The following GGACT variants were observed in gnomAD, a reference collection of about 807,000 sequenced individuals.
The protein encoded by GGACT is gamma-glutamylaminecyclotransferase.
For missense variants in GGACT, 241 were observed against 233.2 expected, an observed-to-expected ratio of 1.03 and a Z score of -0.22; for synonymous variants, 118 against 115.3, an observed-to-expected ratio of 1.02 and a Z score of -0.15.
In GGACT at chr13:100,545,356, C is replaced by T. The variant is rs1040961885; in HGVS notation, c.-10-12755G>A. Among the ~76,000 whole-genome samples, 3 of 152,194 alleles carry T rather than the reference C, an allele frequency of 2.0e-5. No homozygotes were observed. Among genetic ancestry groups the T allele is most frequent in the Admixed American group, 6.5e-5 (1 of 15,286 alleles). ...GAGGTGAAGTGACTCACACACAAGG[C>T]GACCCAGGCAAGGGCAGCAGAGCCT... On this transcript the variant is annotated intron_variant, in intron 2 of 2. Transcript: ENST00000683975. This position sits in a 1 kb window ranked among gnomAD's most constrained non-coding sequence, Gnocchi z 4.4.
chr13:100,533,390 A>G (rs1439359566), intron 2 of GGACT: 2 of 152,254 alleles, frequency 1.3e-5, no homozygotes, highest in East Asian at 3.8e-4. Flanking sequence ...CGCTCCTTGT[A>G]TTAGGACAGT....
rs1172257559 is a variant in GGACT, at chr13:100,532,218, G to A, written c.374C>T (p.Pro125Leu). 12 of 1,484,202 alleles carry A rather than the reference G, an allele frequency of 8.1e-6. No individual in the cohort carries two copies. The Admixed American group carries it at 1.6e-4, about 20-fold the overall frequency. 91.9% of individuals were successfully genotyped at this position (1,484,202 alleles called of 1,614,324 possible). A position where few individuals can be genotyped will look rare whatever the true frequency, so the allele number is the denominator to read the frequency against. Residue 125 changes from proline (P) to leucine (L), a missense_variant, in exon 3 of 3, where the codon CCG (proline) becomes CTG (leucine). Pro to Leu is a moderately conservative substitution (Grantham distance 98). Coordinates refer to ENST00000683975, the MANE Select transcript of GGACT (RefSeq NM_001195087.2). Reference protein sequence around the residue: ...QCFVYSRATFPPEWAQLPHHD... With the variant: ...QCFVYSRATFLPEWAQLPHHD... ...GTGCGGGAGCTGGGCCCACTCCGGC[G>A]GGAAGGTGGCCCTGCTGTACACGAA... is the stretch of plus-strand genomic sequence containing the variant.
intron 2 of GGACT, chr13:100,539,651 A>C: frequency 7.8e-6 from 4 of 510,856 alleles, no homozygotes; most frequent in Non-Finnish European, 1.4e-5. Flanking sequence ...CAAGAATATT[A>C]GTCTGTAGTT....
In GGACT at chr13:100,558,594, C is replaced by G. The variant is rs1023158514; in HGVS notation, c.-11+25231G>C. On this transcript the variant is annotated intron_variant, in intron 2 of 2. Transcript: ENST00000683975. ...ACTCTGGAAAGCAGTTTGACAGTGT[C>G]TTTAAAGTTAAACATACATTTACCA... is the stretch of plus-strand genomic sequence containing the variant. Among the ~76,000 whole-genome samples the G allele has an allele frequency of 1.4e-4, 21 of 152,310 alleles. No individual in the cohort carries two copies. In the East Asian group the frequency reaches 3.9e-3, roughly 28 times the overall value.
Position 100,530,595 on chromosome 13 carries a change from A to C in GGACT, c.*1535T>G. On this transcript the variant is annotated 3_prime_UTR_variant, in exon 3 of 3. Transcript: ENST00000683975. ...TTAAATTAGCACTTGCCATTTTTTC[A>C]TCTGATTGCCTTACTACTTCTAGAA... is the stretch of plus-strand genomic sequence containing the variant. 1 of 291,346 alleles carries C rather than the reference A, an allele frequency of 3.4e-6. No individual in the cohort carries two copies. The highest frequency in any genetic ancestry group is 6.6e-6 in the Non-Finnish European group (1 of 151,840). The allele number at this position is 291,346 out of a possible 1,614,324, so 18.0% of individuals were successfully genotyped here.
chr13:100,585,699 C>T (rs1303141470), intron 1 of GGACT, among the ~76,000 whole-genome samples: 2 of 149,490 alleles, frequency 1.3e-5, no homozygotes, highest in Non-Finnish European at 3.0e-5. Flanking sequence ...ACCCAGGAGG[C>T]GGAGGTTGCA....
At chr13:100,574,294 C>T (rs533660763) in intron 2 of GGACT, among the ~76,000 whole-genome samples, 3 of 152,242 alleles carry the variant, frequency 2.0e-5, no homozygotes, top group South Asian at 4.1e-4. Flanking sequence ...AAAACCTGGC[C>T]GGGCGTGGTG....
intron 2 of GGACT, among the ~76,000 whole-genome samples, chr13:100,553,491 C>T (rs527640531): frequency 6.6e-6 from 1 of 152,256 alleles, no homozygotes; most frequent in South Asian, 2.1e-4. Context: ...TCACCATGAG[C>T]AGCACCACCT....
chr13:100,571,946 T>C (rs996411390), intron 2 of GGACT, among the ~76,000 whole-genome samples: 5 of 152,210 alleles, frequency 3.3e-5, no homozygotes, highest in Non-Finnish European at 2.9e-5. Flanking sequence ...CTTTTTTAAC[T>C]TACTCAAACA....
chr13:100,585,390 TGGCAGAGACCATAG>T (rs1875536761), intron 1 of GGACT, among the ~76,000 whole-genome samples: 1 of 152,324 alleles, frequency 6.6e-6, no homozygotes, highest in Admixed American at 6.5e-5. Flanking sequence ...TGAGCAGTTG[TGGCAGAGACCATAG>T]GGCCTGCAAA....
At chr13:100,585,461 C>A (rs1474481189) in intron 1 of GGACT, among the ~76,000 whole-genome samples, 1 of 152,032 alleles carries the variant, frequency 6.6e-6, no homozygotes, top group Non-Finnish European at 1.5e-5. Flanking sequence ...ATCTGCCACC[C>A]CTGCCCTAGA....
intron 1 of GGACT, among the ~76,000 whole-genome samples, chr13:100,585,536 G>A (rs1424116330): frequency 6.6e-6 from 1 of 152,108 alleles, no homozygotes; most frequent in Non-Finnish European, 1.5e-5. Flanking sequence ...GGGAGGCAGA[G>A]GCAGGTGGAT....
chr13:100,567,535 C>A (rs1365185159), intron 2 of GGACT, among the ~76,000 whole-genome samples: 2 of 152,196 alleles, frequency 1.3e-5, no homozygotes, highest in Non-Finnish European at 2.9e-5. Context: ...CTCTTGTTCT[C>A]TTGTAGCAAA....
chr13:100,562,562 A>G (rs1349679857), intron 2 of GGACT, among the ~76,000 whole-genome samples: 1 of 152,136 alleles, frequency 6.6e-6, no homozygotes, highest in Non-Finnish European at 1.5e-5. Context: ...TTGGGAGGCC[A>G]AGGCAGGCAG....
intron 2 of GGACT, among the ~76,000 whole-genome samples, chr13:100,575,281 C>T (rs1875216246): frequency 6.6e-6 from 1 of 152,186 alleles, no homozygotes; most frequent in East Asian, 1.9e-4. Flanking sequence ...TACCCAGAGA[C>T]TTTCCCAGTT....
At chr13:100,551,030 A>G (rs2088658249) in intron 2 of GGACT, among the ~76,000 whole-genome samples, 1 of 152,184 alleles carries the variant, frequency 6.6e-6, no homozygotes, top group African/African-American at 2.4e-5. Context: ...CATGCCTGTA[A>G]TTCCAGCACT....
At chr13:100,563,101 T>C (rs149921226) in intron 2 of GGACT, among the ~76,000 whole-genome samples, 104 of 152,328 alleles carry the variant, frequency 6.8e-4, no homozygotes, top group African/African-American at 2.5e-3. Flanking sequence ...GAGAAAGTTC[T>C]GTTGTTGAAG....
intron 2 of GGACT, among the ~76,000 whole-genome samples, chr13:100,553,174 C>T (rs837313): frequency 0.62 from 94,084 of 151,982 alleles, 30,034 homozygotes; most frequent in East Asian, 0.85. Flanking sequence ...AGGTGCATGG[C>T]AAGATCTGGG....
At chr13:100,588,613 G>T (rs1003670070) in intron 1 of GGACT, 128 bp downstream of exon 1, 8 of 151,662 alleles carry the variant, frequency 5.3e-5, no homozygotes, top group Non-Finnish European at 1.0e-4. Context: ...CGGGGACGCC[G>T]AGTGCTGCGG....
Sources: gnomAD v4.1 joint callset for allele counts (sites outside exome capture counted in the v4.1 genomes callset) on GRCh38, gnomAD v4.1.1 for gene constraint, Gnocchi (gnomAD v3.1) non-coding constraint, MANE v1.5 for transcripts, NCBI Gene and HGNC (gene_info 2026-07-23, HGNC 2026-07-21) for gene names.